Variants in DLG2 observed in about 807,000 individuals in gnomAD.
The protein encoded by DLG2 is disks large homolog 2.
Under a neutral mutation model 132.5 loss-of-function variants are expected in DLG2, and 45 were observed. That is an observed-to-expected ratio of 0.34 (90% CI 0.27 to 0.44). The LOEUF (loss-of-function observed/expected upper bound fraction) is 0.44, where lower values mean the gene tolerates loss of function less well. Ranked by LOEUF, DLG2 falls within the 20% of genes least tolerant of loss-of-function variation. The probability of loss-of-function intolerance (pLI) is 1.00; values close to 1 mark genes in which losing one functional copy is unlikely to be tolerated. For synonymous variants in DLG2, 424 were observed against 419.6 expected (o/e 1.01, Z -0.13); for missense variants, 1,045 against 1,196.9 (o/e 0.87, Z 1.87).
intron 8 of DLG2, among the ~76,000 whole-genome samples, chr11:84,174,021 T>TTTTTTTTC (rs1315477200): frequency 7.2e-6 from 1 of 138,976 alleles, no homozygotes; most frequent in Non-Finnish European, 1.6e-5. Flanking sequence ...GGCCTTTTTT[T>TTTTTTTTC]TTTTTTTTTT....
intron 2 of DLG2, among the ~76,000 whole-genome samples, chr11:85,599,927 C>T (rs1284724058): frequency 6.6e-6 from 1 of 152,082 alleles, no homozygotes; most frequent in East Asian, 1.9e-4. Flanking sequence ...AATTTAAAAG[C>T]CCTCCTTCCC....
intron 3 of DLG2, among the ~76,000 whole-genome samples, chr11:85,438,208 A>G (rs2091593137): frequency 6.6e-6 from 1 of 152,194 alleles, no homozygotes; most frequent in Non-Finnish European, 1.5e-5. Flanking sequence ...TAAGGATGGC[A>G]TCAAACTGGT....
At chr11:83,766,060 A>G (rs1055812285) in intron 18 of DLG2, among the ~76,000 whole-genome samples, 1 of 150,716 alleles carries the variant, frequency 6.6e-6, no homozygotes, top group African/African-American at 2.4e-5. Flanking sequence ...AGCAATATGA[A>G]TATTAAAACT....
chr11:84,947,459 A>G (rs1023162125), intron 6 of DLG2, among the ~76,000 whole-genome samples: 1 of 152,192 alleles, frequency 6.6e-6, no homozygotes, highest in Non-Finnish European at 1.5e-5. Flanking sequence ...TATTATCTGC[A>G]AACTAATCAC....
rs1188109857 is a variant in DLG2 at position 84,813,815 on chromosome 11, C to CT, written c.358-279085dup. Among the ~76,000 whole-genome samples the CT allele has an allele frequency of 1.2e-4, 19 of 152,028 alleles. 1 individual carries two copies. The highest frequency in any genetic ancestry group is 1.0e-3 in the Admixed American group (16 of 15,252). On this transcript the variant is annotated intron_variant, in intron 6 of 27. Coordinates refer to ENST00000376104, the MANE Select transcript of DLG2 (RefSeq NM_001142699.3). ...TGGTGATTACAAACCTAATAGAACA[C>CT]TTTTTCTATTACTCAGCTTCTCAGT...
At position 84,662,971 on chromosome 11, in the gene DLG2, G is replaced by A. The variant is rs533532387; in HGVS notation, c.358-128240C>T. On this transcript the variant is annotated intron_variant, in intron 6 of 27. Transcript: ENST00000376104. Reference sequence around the variant, plus strand: ...TTATAATTAAGCCCTGAGAGGAAAAGCCCTACCAGGTTACAGGGTAACATC... The same window carrying A: ...TTATAATTAAGCCCTGAGAGGAAAAACCCTACCAGGTTACAGGGTAACATC... Among the ~76,000 whole-genome samples the A allele has an allele frequency of 4.6e-5, 7 of 152,022 alleles. No homozygotes were observed. In the East Asian group the frequency reaches 1.4e-3, roughly 30 times the overall value.
intron 6 of DLG2, among the ~76,000 whole-genome samples, chr11:84,993,546 T>C (rs2057343219): frequency 6.6e-6 from 1 of 152,196 alleles, no homozygotes; most frequent in Non-Finnish European, 1.5e-5. Flanking sequence ...CCTGTTTACT[T>C]ATATGGGCTT....
At chr11:84,370,131 T>C (rs1470673025) in intron 7 of DLG2, among the ~76,000 whole-genome samples, 2 of 152,186 alleles carry the variant, frequency 1.3e-5, no homozygotes, top group Non-Finnish European at 2.9e-5. Context: ...TTGGCAATTA[T>C]GCACTTCCTC....
At chr11:85,516,015 C>A (rs182415575) in intron 3 of DLG2, among the ~76,000 whole-genome samples, 3 of 151,918 alleles carry the variant, frequency 2.0e-5, no homozygotes, top group African/African-American at 7.2e-5. Flanking sequence ...CCAATAATTG[C>A]CCTGATTACA....
chr11:85,538,146 A>C lies in DLG2; in HGVS notation c.40+60511T>G, dbSNP rs1055303487. Among the ~76,000 whole-genome samples the C allele has an allele frequency of 4.4e-4, 67 of 151,732 alleles. 1 individual carries two copies. The highest frequency in any genetic ancestry group is 1.5e-3 in the African/African-American group (60 of 41,094). ...ATAATAAAAAATTAAAAAATAAAAA[A>C]AGAACTGTAACACTCACTGTGAGGG... On this transcript the variant is annotated intron_variant, in intron 3 of 27. Coordinates refer to ENST00000376104, the MANE Select transcript of DLG2 (RefSeq NM_001142699.3).
chr11:85,332,731 T>C (rs1264533371), intron 3 of DLG2, among the ~76,000 whole-genome samples: 1 of 152,122 alleles, frequency 6.6e-6, no homozygotes, highest in Non-Finnish European at 1.5e-5. Context: ...CCCATTGTTA[T>C]TATTGTCGAC....
chr11:85,491,836 A>G (rs904609451), intron 3 of DLG2, among the ~76,000 whole-genome samples: 2 of 152,116 alleles, frequency 1.3e-5, no homozygotes, highest in Non-Finnish European at 2.9e-5. Flanking sequence ...AGCTATCTAT[A>G]GAGACAATGC....
chr11:83,790,719 C>A, intron 17 of DLG2: 2 of 784,982 alleles, frequency 2.5e-6, no homozygotes, highest in South Asian at 1.4e-5. Context: ...AGTCAACAAC[C>A]CATTCATGGA....
intron 18 of DLG2, among the ~76,000 whole-genome samples, chr11:83,771,681 T>C (rs1459624281): frequency 6.6e-6 from 1 of 152,232 alleles, no homozygotes; most frequent in Non-Finnish European, 1.5e-5. Context: ...ACCACCGTTG[T>C]ATATGTGATC....
intron 3 of DLG2, among the ~76,000 whole-genome samples, chr11:85,491,789 G>T (rs896059625): frequency 6.6e-6 from 1 of 151,998 alleles, no homozygotes; most frequent in Admixed American, 6.6e-5. Context: ...TCATGAATTG[G>T]AAGTATTAGT....
chr11:85,269,178 C>T (rs1052476388), intron 4 of DLG2, among the ~76,000 whole-genome samples: 4 of 152,190 alleles, frequency 2.6e-5, no homozygotes, highest in Non-Finnish European at 5.9e-5. Context: ...TGTTACTCAG[C>T]CTCCTGATTT....
intron 19 of DLG2, among the ~76,000 whole-genome samples, chr11:83,622,877 T>C (rs2061846095): frequency 1.3e-5 from 2 of 152,180 alleles, no homozygotes; most frequent in Non-Finnish European, 2.9e-5. Context: ...AGAATGTATA[T>C]CCTGTGTTTG....
intron 6 of DLG2, among the ~76,000 whole-genome samples, chr11:84,798,291 G>C (rs943844713): frequency 6.6e-6 from 1 of 152,122 alleles, no homozygotes; most frequent in Non-Finnish European, 1.5e-5. Flanking sequence ...AGAAGTTTCA[G>C]TGATGCTATC....
intron 7 of DLG2, among the ~76,000 whole-genome samples, chr11:84,388,955 G>A (rs1279591518): frequency 6.6e-6 from 1 of 152,042 alleles, no homozygotes; most frequent in Non-Finnish European, 1.5e-5. Flanking sequence ...CTTAGAGATT[G>A]AGTTTGCTTT....
Sources: allele counts gnomAD v4.1 joint callset (sites outside exome capture counted in the v4.1 genomes callset), GRCh38; gene constraint gnomAD v4.1.1; transcripts MANE v1.5; gene names NCBI Gene and HGNC (gene_info 2026-07-23, HGNC 2026-07-21).